The following HSD17B2 variants were observed in gnomAD, a reference collection of about 807,000 sequenced individuals.
The protein encoded by HSD17B2 is hydroxysteroid 17-beta dehydrogenase 2, also known as 17-beta-hydroxysteroid dehydrogenase type 2.
Under a neutral mutation model 26.9 loss-of-function variants are expected in HSD17B2, and 32 were observed. That is an observed-to-expected ratio of 1.19 (90% CI 0.90 to 1.60). HSD17B2 has a LOEUF of 1.60. HSD17B2 is among the 40% of genes most tolerant of loss of function. HSD17B2 has a pLI of 0.00. For synonymous variants in HSD17B2, 246 were observed against 186.7 expected, an observed-to-expected ratio of 1.32 and a Z score of -2.59; for missense variants, 613 against 468.6, an observed-to-expected ratio of 1.31 and a Z score of -2.85.
intron 2 of HSD17B2, 105 bp downstream of exon 2, chr16:82,068,487 T>G: frequency 1.1e-6 from 1 of 930,300 alleles, no homozygotes; most frequent in Non-Finnish European, 1.6e-6. Context: ...GGGCACTGTT[T>G]GCCCTGAAGC....
chr16:82,044,448 A>ATGGGGCCTGGGC (rs1304484645), intron 1 of HSD17B2: 1 of 152,230 alleles, frequency 6.6e-6, no homozygotes, highest in Non-Finnish European at 1.5e-5. Flanking sequence ...TCACCCACAG[A>ATGGGGCCTGGGC]TGGGGCCTGG....
At chr16:82,043,425 C>T (rs1913822607) in intron 1 of HSD17B2, among the ~76,000 whole-genome samples, 2 of 124,410 alleles carry the variant, frequency 1.6e-5, no homozygotes, top group South Asian at 4.2e-4. Flanking sequence ...TGGCTCATGC[C>T]TGTAATCCCA....
chr16:82,036,542 C>A (rs530485920), intron 1 of HSD17B2, among the ~76,000 whole-genome samples: 41 of 152,126 alleles, frequency 2.7e-4, no homozygotes, highest in Admixed American at 9.2e-4. Flanking sequence ...GAGATCATCA[C>A]CCCTCTGACC....
At chr16:82,056,743 G>A (rs751722058) in intron 1 of HSD17B2, among the ~76,000 whole-genome samples, 4 of 152,128 alleles carry the variant, frequency 2.6e-5, no homozygotes, top group African/African-American at 9.7e-5. Flanking sequence ...ATTGATTCAC[G>A]GAAGTTGACT....
intron 2 of HSD17B2, among the ~76,000 whole-genome samples, chr16:82,069,589 C>G (rs914343233): frequency 1.3e-5 from 2 of 152,212 alleles, no homozygotes; most frequent in African/African-American, 2.4e-5. Flanking sequence ...TTGCCTCTGT[C>G]TCCCCACAAA....
At chr16:82,037,891 G>A (rs561521230) in intron 1 of HSD17B2, among the ~76,000 whole-genome samples, 19 of 152,294 alleles carry the variant, frequency 1.2e-4, no homozygotes, top group African/African-American at 4.3e-4. Flanking sequence ...GAAATAGTTT[G>A]TATATGGTTG....
intron 3 of HSD17B2, among the ~76,000 whole-genome samples, chr16:82,073,225 T>C (rs760125381): frequency 1.1e-4 from 16 of 151,398 alleles, no homozygotes; most frequent in Non-Finnish European, 1.8e-4. Flanking sequence ...ATTATTATTA[T>C]TATTAATTTT....
intron 4 of HSD17B2, chr16:82,093,735 G>C (rs979554637): frequency 6.6e-6 from 1 of 152,188 alleles, no homozygotes; most frequent in Non-Finnish European, 1.5e-5. Flanking sequence ...TATTAAGAAA[G>C]TAAAGGAATA....
At chr16:82,079,877 T>A (rs909202316) in intron 3 of HSD17B2, among the ~76,000 whole-genome samples, 2 of 152,242 alleles carry the variant, frequency 1.3e-5, no homozygotes, top group East Asian at 3.8e-4. Flanking sequence ...AATGTAATAG[T>A]AACTTTGGAA....
chr16:82,068,188 G>C lies in HSD17B2; in HGVS notation c.284G>C (p.Gly95Ala). 2 of 1,614,120 alleles carry C rather than the reference G, an allele frequency of 1.2e-6. No homozygotes were observed. The highest frequency in any genetic ancestry group is 1.7e-6 in the Non-Finnish European group (2 of 1,180,024). The part of the protein sequence containing the change: ...VLVTGGDCGL[G>A]HALCKYLDEL... Reference sequence around the variant, plus strand: ...TATGCAGGTGGTGATTGCGGGCTTGGCCATGCTTTGTGCAAGTATCTGGAT... The same window carrying C: ...TATGCAGGTGGTGATTGCGGGCTTGCCCATGCTTTGTGCAAGTATCTGGAT... Residue 95 changes from glycine (G) to alanine (A), a missense_variant, in exon 2 of 5, where the codon GGC becomes GCC. Physicochemically the swap from Gly to Ala is moderately conservative, Grantham distance 60 (BLOSUM62 0). Coordinates refer to ENST00000199936, the MANE Select transcript of HSD17B2 (RefSeq NM_002153.3).
chr16:82,056,173 C>T lies in HSD17B2; in HGVS notation c.266-11997C>T, dbSNP rs190224561. Reference sequence around the variant, plus strand: ...TCCTGTCAGCCAGGAAGCATCTTTCCCATGAAAAAAAGGGACATTAGTAAG... The same window carrying T: ...TCCTGTCAGCCAGGAAGCATCTTTCTCATGAAAAAAAGGGACATTAGTAAG... On this transcript the variant is annotated intron_variant, in intron 1 of 4. Transcript: ENST00000199936. Among the ~76,000 whole-genome samples the T allele has an allele frequency of 9.2e-5, 14 of 151,828 alleles. No individual in the cohort carries two copies. In the East Asian group the frequency reaches 2.7e-3, roughly 29 times the overall value.
At chr16:82,052,665 C>G (rs1024582455) in intron 1 of HSD17B2, among the ~76,000 whole-genome samples, 3 of 152,144 alleles carry the variant, frequency 2.0e-5, no homozygotes, top group Admixed American at 6.5e-5. Context: ...GCCCATCTCT[C>G]TATTTTTTTA....
chr16:82,080,934 T>A (rs1387134087), intron 3 of HSD17B2, among the ~76,000 whole-genome samples: 1 of 152,116 alleles, frequency 6.6e-6, no homozygotes, highest in African/African-American at 2.4e-5. Context: ...TTGTGGTTGT[T>A]GTTGTTTTTG....
At chr16:82,053,563 T>A (rs1035970785) in intron 1 of HSD17B2, among the ~76,000 whole-genome samples, 4 of 152,122 alleles carry the variant, frequency 2.6e-5, no homozygotes, top group African/African-American at 9.7e-5. Flanking sequence ...GGACTCTGAG[T>A]TCTCCACTAG....
chr16:82,047,371 AT>A (rs1285801927), intron 1 of HSD17B2, among the ~76,000 whole-genome samples: 4 of 152,226 alleles, frequency 2.6e-5, no homozygotes, highest in African/African-American at 7.2e-5. Context: ...AAGAACTCTG[AT>A]TAGCAGTGTG....
intron 2 of HSD17B2, among the ~76,000 whole-genome samples, chr16:82,069,595 A>T (rs1914651210): frequency 6.6e-6 from 1 of 152,136 alleles, no homozygotes; most frequent in South Asian, 2.1e-4. Context: ...CTGTCTCCCC[A>T]CAAATACAAA....
chr16:82,075,316 C>T (rs1410161886), intron 3 of HSD17B2, among the ~76,000 whole-genome samples: 1 of 151,824 alleles, frequency 6.6e-6, no homozygotes, highest in Non-Finnish European at 1.5e-5. Context: ...GCAAACCAAC[C>T]TCAAAATTAG....
chr16:82,042,507 T>G (rs1300987608), intron 1 of HSD17B2, among the ~76,000 whole-genome samples: 1 of 152,260 alleles, frequency 6.6e-6, no homozygotes, highest in Non-Finnish European at 1.5e-5. Context: ...TATTGCCACT[T>G]TGCCATTTTT....
chr16:82,043,684 C>CAAAAAAAAAAAAA (rs398030034), intron 1 of HSD17B2, among the ~76,000 whole-genome samples: 1 of 22,538 alleles, frequency 4.4e-5, no homozygotes, highest in African/African-American at 3.5e-4. Context: ...AACTCTGTCT[C>CAAAAAAAAAAAAA]AAAAAAAAAA....
Sources: allele counts gnomAD v4.1 joint callset (sites outside exome capture counted in the v4.1 genomes callset), GRCh38; gene constraint gnomAD v4.1.1; transcripts MANE v1.5; gene names NCBI Gene and HGNC (gene_info 2026-07-23, HGNC 2026-07-21).